The following CEP83 variants were observed in gnomAD, a reference collection of about 807,000 sequenced individuals.
CEP83 encodes the protein centrosomal protein of 83 kDa.
A neutral mutation model predicts 101.9 loss-of-function variants in CEP83; 70 were observed. The observed-to-expected ratio is 0.69, with a 90% CI of 0.57 to 0.84. The LOEUF is 0.84. Among genes scored for constraint, CEP83 ranks in the 40% least tolerant of loss-of-function variants. The probability of loss-of-function intolerance (pLI) is 0.00; values close to 1 mark genes in which losing one functional copy is unlikely to be tolerated. For synonymous variants in CEP83, 264 were observed against 267.9 expected, an observed-to-expected ratio of 0.99 and a Z score of 0.14; for missense variants, 715 against 787.2, an observed-to-expected ratio of 0.91 and a Z score of 1.10.
intron 1 of CEP83, among the ~76,000 whole-genome samples, chr12:94,449,779 T>TAAAAAAAAAAA (rs71071787): frequency 1.2e-4 from 6 of 48,564 alleles, no homozygotes; most frequent in Non-Finnish European, 1.7e-4. Flanking sequence ...TCTCAAACAA[T>TAAAAAAAAAAA]AAAAAAAAAA....
rs770253899 is a variant in CEP83, at chr12:94,367,800, C to G, written c.1337G>C (p.Ser446Thr). The change falls in exon 11 of 17, where the codon AGT becomes ACT. Residue 446 changes from serine (S) to threonine (T), a missense_variant. Coordinates refer to ENST00000397809, the MANE Select transcript of CEP83 (RefSeq NM_016122.3). ...ATATATATGTATATATAACCTAACA[C>G]TCTGAAGCTCCTTCCTGGTGATCTC... ...AEEITRKELQSVRLKLQQQIV... is the reference protein window; with the variant it reads ...AEEITRKELQTVRLKLQQQIV... 1.8e-5 allele frequency: 29 copies of G among 1,608,548 alleles called. No individual in the cohort carries two copies. Among genetic ancestry groups the G allele is most frequent in the Non-Finnish European group, 2.3e-5 (27 of 1,178,502 alleles).
chr12:94,386,226 C>CA (rs976030808), intron 6 of CEP83, among the ~76,000 whole-genome samples: 11 of 152,132 alleles, frequency 7.2e-5, no homozygotes, highest in African/African-American at 2.4e-4. Flanking sequence ...GCTACTGAGG[C>CA]AAAATCCTTC....
chr12:94,268,372 T>A, the CEP83 span, among the ~76,000 whole-genome samples: 1 of 151,962 alleles, frequency 6.6e-6, no homozygotes, highest in Non-Finnish European at 1.5e-5. Context: ...CCAAGCAAAG[T>A]CCCCTAGAGC....
chr12:94,297,582 C>T, the CEP83 span, among the ~76,000 whole-genome samples: 1 of 152,212 alleles, frequency 6.6e-6, no homozygotes, highest in Non-Finnish European at 1.5e-5. Context: ...CCCAGTTCCT[C>T]TTCTTTTTAT....
chr12:94,315,602 A>G (rs1171697227), intron 14 of CEP83, among the ~76,000 whole-genome samples: 2 of 152,112 alleles, frequency 1.3e-5, no homozygotes, highest in East Asian at 1.9e-4. Context: ...TACATCAATC[A>G]TGTATTTTAT....
chr12:94,371,876 A>G lies in CEP83; in HGVS notation c.934-1840T>C, dbSNP rs1471714921. 2.0e-5 allele frequency among the ~76,000 whole-genome samples: 3 copies of G among 152,250 alleles called. No homozygotes were observed. The East Asian group carries it at 5.8e-4, about 29-fold the overall frequency. ...CAGAAAAGTGAGTACTGCCTTATGT[A>G]CTGGTAACTACAATAAGACATCCCT... On this transcript the variant is annotated intron_variant, in intron 8 of 16. Coordinates refer to ENST00000397809, the MANE Select transcript of CEP83 (RefSeq NM_016122.3).
downstream of CEP83, chr12:94,306,705 T>A (rs1969058178): frequency 6.6e-6 from 1 of 152,188 alleles, no homozygotes; most frequent in African/African-American, 2.4e-5. Flanking sequence ...GTATGGAGCA[T>A]TAGGATTTAA....
chr12:94,427,965 G>C (rs2065335896), intron 2 of CEP83, among the ~76,000 whole-genome samples: 1 of 152,126 alleles, frequency 6.6e-6, no homozygotes, highest in South Asian at 2.1e-4. Flanking sequence ...TCAAAGCCCT[G>C]GTAAGGTGCC....
At chr12:94,377,902 A>C (rs1158874256) in intron 7 of CEP83, among the ~76,000 whole-genome samples, 7 of 152,256 alleles carry the variant, frequency 4.6e-5, no homozygotes, top group African/African-American at 1.2e-4. Flanking sequence ...TAATTCAGAA[A>C]ACCAGTAAAT....
chr12:94,347,423 A>G (rs2059992154), intron 11 of CEP83, among the ~76,000 whole-genome samples: 1 of 152,192 alleles, frequency 6.6e-6, no homozygotes, highest in Non-Finnish European at 1.5e-5. Flanking sequence ...GGGATGTAAA[A>G]CAAACAAAAT....
In CEP83 at chr12:94,410,671, T is replaced by C. The variant is rs139683034; in HGVS notation, c.324+1026A>G. Reference sequence around the variant, plus strand: ...GTTCAGCATTCACAGCTTCCACTCATACAGGGCTCTAAATTTTTGCAAAAC... The same window carrying C: ...GTTCAGCATTCACAGCTTCCACTCACACAGGGCTCTAAATTTTTGCAAAAC... On this transcript the variant is annotated intron_variant, in intron 4 of 16. Coordinates refer to ENST00000397809, the MANE Select transcript of CEP83 (RefSeq NM_016122.3). 2.6e-3 allele frequency among the ~76,000 whole-genome samples: 402 copies of C among 152,322 alleles called. 1 individual carries two copies. Among genetic ancestry groups the C allele is most frequent in the African/African-American group, 9.3e-3 (386 of 41,584 alleles).
At chr12:94,274,648 ATGGGTATTTTC>A in the CEP83 span, among the ~76,000 whole-genome samples, 1 of 152,214 alleles carries the variant, frequency 6.6e-6, no homozygotes, top group African/African-American at 2.4e-5. Flanking sequence ...TTAGCCTTTC[ATGGGTATTTTC>A]TGGGTATTAT....
chr12:94,302,512 A>G (rs577628217), downstream of CEP83, among the ~76,000 whole-genome samples: 6 of 152,364 alleles, frequency 3.9e-5, 1 homozygote, highest in African/African-American at 1.4e-4. Context: ...AATAAAGTTC[A>G]TCTTAGCATG....
the CEP83 span, among the ~76,000 whole-genome samples, chr12:94,292,193 A>C: frequency 6.6e-6 from 1 of 152,226 alleles, no homozygotes; most frequent in African/African-American, 2.4e-5. Flanking sequence ...ATCTAGACAC[A>C]GTACATACTG....
intron 11 of CEP83, among the ~76,000 whole-genome samples, chr12:94,354,775 G>A (rs907255071): frequency 2.6e-5 from 4 of 152,142 alleles, no homozygotes; most frequent in African/African-American, 9.7e-5. Context: ...ACTTCAGCAG[G>A]CTGAGGCAGG....
the CEP83 span, among the ~76,000 whole-genome samples, chr12:94,301,432 A>AAT: frequency 1.8e-3 from 269 of 152,350 alleles, 3 homozygotes; most frequent in Non-Finnish European, 3.4e-4. Flanking sequence ...TGCCTATTTG[A>AAT]ATATAACACA....
Position 94,307,989 on chromosome 12 carries a change from T to C in CEP83, c.*824A>G, listed in dbSNP as rs1969253379. 6.6e-6 allele frequency: 1 copy of C among 152,116 alleles called. No homozygotes were observed. Among genetic ancestry groups the C allele is most frequent in the Non-Finnish European group, 1.5e-5 (1 of 68,016 alleles). The allele number at this position is 152,116 out of a possible 1,614,324, so 9.4% of individuals were successfully genotyped here. On this transcript the variant is annotated 3_prime_UTR_variant, in exon 17 of 17. Transcript: ENST00000397809. ...TCCAGCAGAATTCCTCTAAAAGATG[T>C]CACATTAAAAAGGCTTCCAATGGGT...
the CEP83 span, among the ~76,000 whole-genome samples, chr12:94,285,381 T>A: frequency 6.6e-6 from 1 of 152,070 alleles, no homozygotes; most frequent in Non-Finnish European, 1.5e-5. Flanking sequence ...TTTGGCTGAG[T>A]GGGTCACCCA....
chr12:94,403,055 A>G (rs1038851027), intron 5 of CEP83, 115 bp downstream of exon 5: 9 of 596,728 alleles, frequency 1.5e-5, no homozygotes, highest in Non-Finnish European at 2.7e-5. Flanking sequence ...GGCCACTGCA[A>G]TGACTGAGTA....
Sources: allele counts gnomAD v4.1 joint callset (sites outside exome capture counted in the v4.1 genomes callset), GRCh38; gene constraint gnomAD v4.1.1; transcripts MANE v1.5; gene names NCBI Gene and HGNC (gene_info 2026-07-23, HGNC 2026-07-21).